GAB3: variants seen among roughly 807,000 people sequenced by gnomAD.
GAB3 encodes the protein GRB2-associated-binding protein 3.
GAB3 carries 12 observed loss-of-function variants against 40.4 expected under a neutral mutation model. The ratio of observed to expected loss-of-function variants is 0.30; its 90% CI spans 0.19 to 0.48. The LOEUF is 0.48. GAB3 is among the 20% of genes least tolerant of loss of function. The probability of loss-of-function intolerance (pLI) is 0.99; values close to 1 mark genes in which losing one functional copy is unlikely to be tolerated. For missense variants in GAB3, 381 were observed against 461.9 expected (o/e 0.82, Z 1.61); for synonymous variants, 154 against 176.7 (o/e 0.87, Z 1.02).
At chrX:154,736,434 C>A (rs1387052946) in intron 1 of GAB3, among the ~76,000 whole-genome samples, 1 of 112,315 alleles carries the variant, frequency 8.9e-6, no homozygotes, top group Non-Finnish European at 1.9e-5. Context: ...ACAATAATAC[C>A]ACCTAGGAAG....
At chrX:154,718,760 G>A (rs1208466189) in intron 1 of GAB3, among the ~76,000 whole-genome samples, 1 of 111,491 alleles carries the variant, frequency 9.0e-6, no homozygotes, top group Non-Finnish European at 1.9e-5. Context: ...GGAGCATGGG[G>A]TGCTCCAAAC....
chrX:154,711,755 A>G (rs1320506213), intron 4 of GAB3, among the ~76,000 whole-genome samples: 1 of 112,164 alleles, frequency 8.9e-6, no homozygotes, highest in Non-Finnish European at 1.9e-5. Flanking sequence ...AGTTAAGACA[A>G]AAGACATCAA....
Position 154,694,391 on chromosome X carries a change from G to GTTTTTTTTTTTT in GAB3, c.1530+1514_1530+1525dup, listed in dbSNP as rs781950607. ...GTTAATGAAACACTGATCTTTCTCT[G>GTTTTTTTTTTTT]TTTTTTTTTTTTTGAGACAGAGTCT... On this transcript the variant is annotated intron_variant, in intron 8 of 9. Coordinates refer to ENST00000424127, the MANE Select transcript of GAB3 (RefSeq NM_001081573.3). 3.8e-3 allele frequency among the ~76,000 whole-genome samples: 380 copies of GTTTTTTTTTTTT among 100,099 alleles called. 4 individuals are homozygous for GTTTTTTTTTTTT. Among genetic ancestry groups the GTTTTTTTTTTTT allele is most frequent in the African/African-American group, 0.013 (348 of 27,563 alleles). The allele number at this position is 100,099 out of a possible 115,157, so 86.9% of individuals were successfully genotyped here.
rs2071046403 is a variant in GAB3, at chrX:154,716,349, TAAG to T, written c.73-23_73-21del. On this transcript the variant is annotated intron_variant, in intron 1 of 9. Coordinates refer to ENST00000424127, the MANE Select transcript of GAB3 (RefSeq NM_001081573.3). The stretch of plus-strand genomic sequence containing the variant: ...CCAGGCCTGCAGAAAGGCAATTCAA[TAAG>T]GAGTTACTGGACCAATTTCTCTTGT... 8.4e-7 allele frequency: 1 copy of T among 1,187,078 alleles called. No individual in the cohort carries two copies. The highest frequency in any genetic ancestry group is 2.3e-5 in the Admixed American group (1 of 44,413).
At chrX:154,708,664 C>T (rs781989680) in intron 4 of GAB3, among the ~76,000 whole-genome samples, 18 of 111,865 alleles carry the variant, frequency 1.6e-4, no homozygotes, top group Admixed American at 1.1e-3. Context: ...CACAAGGTAT[C>T]GGCCCACACC....
intron 4 of GAB3, among the ~76,000 whole-genome samples, chrX:154,709,739 T>A (rs1354026877): frequency 1.8e-5 from 2 of 111,454 alleles, no homozygotes; most frequent in Non-Finnish European, 3.8e-5. Context: ...TGGTATATAT[T>A]CAGAATGGAA....
At chrX:154,691,587 T>A (rs1225421546) in intron 8 of GAB3, among the ~76,000 whole-genome samples, 1 of 111,781 alleles carries the variant, frequency 8.9e-6, no homozygotes, top group Non-Finnish European at 1.9e-5. Flanking sequence ...ATTGTTAACA[T>A]GATAATATTA....
chrX:154,697,598 A>T (rs1315017305), intron 6 of GAB3, among the ~76,000 whole-genome samples: 2 of 111,844 alleles, frequency 1.8e-5, no homozygotes, highest in Non-Finnish European at 3.8e-5. Context: ...ACAGGCAGAG[A>T]TGATCACCCA....
At chrX:154,737,609 G>A (rs972346325) in intron 1 of GAB3, among the ~76,000 whole-genome samples, 3 of 111,944 alleles carry the variant, frequency 2.7e-5, no homozygotes, top group African/African-American at 9.8e-5. Context: ...CAGCCTGAAC[G>A]TACCAGTCTC....
At chrX:154,751,296 G>T (rs1243513856), upstream of GAB3, among the ~76,000 whole-genome samples, 1 of 52,584 alleles carries the variant, frequency 1.9e-5, no homozygotes, top group South Asian at 1.5e-3. Flanking sequence ...GGGGGGGGGT[G>T]TGGGGGGGGG....
chrX:154,700,179 A>G, intron 4 of GAB3, 120 bp from the exon 5 acceptor site: 1 of 520,683 alleles, frequency 1.9e-6, no homozygotes, highest in South Asian at 3.3e-5. Flanking sequence ...GGCAGTCAGA[A>G]CACATTTCCC....
At chrX:154,700,104 A>G in intron 4 of GAB3, 45 bp from the exon 5 acceptor site, 1 of 1,046,420 alleles carries the variant, frequency 9.6e-7, no homozygotes, top group Non-Finnish European at 1.3e-6. Context: ...GAACAATATC[A>G]ACTGAAACTA....
intron 8 of GAB3, among the ~76,000 whole-genome samples, chrX:154,687,154 T>G (rs2070464234): frequency 9.1e-6 from 1 of 109,417 alleles, no homozygotes; most frequent in East Asian, 2.9e-4. Context: ...ATTGTGCCAC[T>G]GCACTCCAAC....
intron 9 of GAB3, among the ~76,000 whole-genome samples, chrX:154,678,580 T>C (rs782590137): frequency 2.0e-4 from 22 of 112,010 alleles, no homozygotes; most frequent in Non-Finnish European, 3.8e-4. Flanking sequence ...TGGGATGTGG[T>C]TTGGCTGTGC....
At chrX:154,748,836 GGAGT>G (rs1463876878) in intron 1 of GAB3, among the ~76,000 whole-genome samples, 3 of 112,174 alleles carry the variant, frequency 2.7e-5, no homozygotes, top group Non-Finnish European at 5.6e-5. Context: ...TTAACGGGAG[GGAGT>G]GACAGGAATT....
At chrX:154,748,594 G>A (rs2071563500) in intron 1 of GAB3, among the ~76,000 whole-genome samples, 2 of 112,458 alleles carry the variant, frequency 1.8e-5, no homozygotes, top group African/African-American at 6.5e-5. Flanking sequence ...GCCTACTTTG[G>A]ACTGAAAGGT....
At chrX:154,703,722 T>C (rs782463381) in intron 4 of GAB3, among the ~76,000 whole-genome samples, 2 of 112,472 alleles carry the variant, frequency 1.8e-5, no homozygotes, top group South Asian at 7.3e-4. Flanking sequence ...ATATGGCTTA[T>C]ATCCAAAAGA....
In GAB3 at chrX:154,677,367, G is replaced by C. The variant is rs1411153743; in HGVS notation, c.*811C>G. 1 of 111,832 alleles carries C rather than the reference G, an allele frequency of 8.9e-6. No homozygotes were observed. The highest frequency in any genetic ancestry group is 1.9e-5 in the Non-Finnish European group (1 of 53,156). The allele number at this position is 111,832 out of a possible 1,213,427, so 9.2% of individuals were successfully genotyped here. ...GAGGAAGTATGAGGTAGAGGAATGA[G>C]CTTGCAATTGGCAGCCTGAACAACT... On this transcript the variant is annotated 3_prime_UTR_variant, in exon 10 of 10. Transcript: ENST00000424127.
At chrX:154,747,579 T>A (rs1301964029) in intron 1 of GAB3, among the ~76,000 whole-genome samples, 2 of 111,912 alleles carry the variant, frequency 1.8e-5, no homozygotes, top group African/African-American at 6.5e-5. Context: ...GGTGGAAGGA[T>A]CACTTGAGGC....
Sources: allele counts gnomAD v4.1 joint callset (sites outside exome capture counted in the v4.1 genomes callset), GRCh38; gene constraint gnomAD v4.1.1; transcripts MANE v1.5; gene names NCBI Gene and HGNC (gene_info 2026-07-23, HGNC 2026-07-21).